NFYC: variants seen among roughly 807,000 people sequenced by gnomAD.
The protein encoded by NFYC is CAAT box DNA-binding protein subunit C.
In NFYC, 25 loss-of-function variants were observed where a neutral mutation model predicts 53.1. That is an observed-to-expected ratio of 0.47 (90% confidence interval 0.34 to 0.66). NFYC has a LOEUF of 0.66. Ranked by LOEUF, NFYC falls within the 30% of genes least tolerant of loss-of-function variation. The probability of loss-of-function intolerance (pLI) is 0.01; values close to 1 mark genes in which losing one functional copy is unlikely to be tolerated. For missense variants in NFYC, 260 were observed against 422.7 expected, an observed-to-expected ratio of 0.62 and a Z score of 3.38; for synonymous variants, 145 against 152.6, an observed-to-expected ratio of 0.95 and a Z score of 0.37.
intron 2 of NFYC, among the ~76,000 whole-genome samples, chr1:40,739,920 T>C (rs964957850): frequency 1.3e-5 from 2 of 152,172 alleles, no homozygotes; most frequent in Non-Finnish European, 2.9e-5. Context: ...AGAGAGGACC[T>C]TGTAGTTAGG....
At chr1:40,756,216 A>G (rs1156658938) in intron 5 of NFYC, among the ~76,000 whole-genome samples, 2 of 152,238 alleles carry the variant, frequency 1.3e-5, no homozygotes. Context: ...AAAAGGTATC[A>G]GTATTTTAGC....
chr1:40,763,069 T>C, intron 7 of NFYC, 23 bp downstream of exon 7: 1 of 1,545,864 alleles, frequency 6.5e-7, no homozygotes, highest in Admixed American at 2.0e-5. Flanking sequence ...CTGAGGTCTG[T>C]CTTTACAACT....
intron 1 of NFYC, among the ~76,000 whole-genome samples, chr1:40,722,194 T>A (rs114281801): frequency 0.016 from 2,486 of 151,734 alleles, 27 homozygotes; most frequent in Non-Finnish European, 0.025. Context: ...AAATAAATAA[T>A]TAATTTAAAA....
chr1:40,742,072 TA>T (rs551686138), intron 2 of NFYC, among the ~76,000 whole-genome samples: 243 of 145,982 alleles, frequency 1.7e-3, no homozygotes, highest in African/African-American at 4.9e-3. Flanking sequence ...CCTGGCTAAT[TA>T]AAAAAAAAAA....
chr1:40,693,665 C>T (rs901887456), intron 1 of NFYC, among the ~76,000 whole-genome samples: 1 of 152,198 alleles, frequency 6.6e-6, no homozygotes, highest in Non-Finnish European at 1.5e-5. Context: ...AGTAGCTTGT[C>T]TGGTGTCACT....
chr1:40,760,242 C>T (rs1288422972), intron 6 of NFYC, among the ~76,000 whole-genome samples: 1 of 152,178 alleles, frequency 6.6e-6, no homozygotes, highest in Non-Finnish European at 1.5e-5. Context: ...CAGGCATGAG[C>T]CACCATGCCC....
intron 7 of NFYC, 125 bp from the exon 8 acceptor site, chr1:40,766,471 C>G: frequency 2.9e-6 from 2 of 682,368 alleles, no homozygotes; most frequent in Non-Finnish European, 5.0e-6. Flanking sequence ...GGACTTTTTT[C>G]AGGGCAGGCT....
At chr1:40,763,390 C>G (rs1245291235) in intron 7 of NFYC, 2 of 454,852 alleles carry the variant, frequency 4.4e-6, no homozygotes, top group Non-Finnish European at 8.8e-6. Context: ...GTCACTCAGA[C>G]TGATGAAGTG....
intron 6 of NFYC, among the ~76,000 whole-genome samples, chr1:40,760,562 T>TA (rs1254819505): frequency 1.3e-5 from 2 of 151,904 alleles, no homozygotes; most frequent in Non-Finnish European, 2.9e-5. Flanking sequence ...CTACTAAAAA[T>TA]ACAAAAATTA....
intron 1 of NFYC, among the ~76,000 whole-genome samples, chr1:40,721,898 C>T (rs538572736): frequency 2.6e-5 from 4 of 151,982 alleles, no homozygotes; most frequent in African/African-American, 4.8e-5. Flanking sequence ...AGGCCGGGCG[C>T]GGTGGCTCAT....
At chr1:40,759,683 A>G (rs1373806480) in intron 6 of NFYC, among the ~76,000 whole-genome samples, 1 of 151,978 alleles carries the variant, frequency 6.6e-6, no homozygotes. Flanking sequence ...TGGTCAGATA[A>G]TGTTTCTGAA....
chr1:40,749,673 G>A lies in NFYC; in HGVS notation c.278G>A (p.Arg93His). 1 of 1,613,990 alleles carries A rather than the reference G, an allele frequency of 6.2e-7. No individual in the cohort carries two copies. Among genetic ancestry groups the A allele is most frequent in the Non-Finnish European group, 8.5e-7 (1 of 1,179,864 alleles). Residue 93 changes from arginine (R) to histidine (H), a missense_variant, in exon 4 of 10, where the codon CGC (arginine) becomes CAC (histidine). Transcript: ENST00000447388. ...TGGATTCACACAGAAGATAACAAGC[G>A]CCGGACTCTACAGGTATTATTGCAG... ...RAWIHTEDNK[R>H]RTLQRNDIAM...
In NFYC at chr1:40,770,310, C is replaced by T; in HGVS notation, c.889-399C>T. ...GAGAGGAGGGGGTAATCCTACTGCC[C>T]CTGCCAGTGTAGATTACCAAGAGTT... is the stretch of plus-strand genomic sequence containing the variant. On this transcript the variant is annotated intron_variant, in intron 9 of 9. Coordinates refer to ENST00000447388, the MANE Select transcript of NFYC (RefSeq NM_014223.5). This position sits in a 1 kb window ranked among gnomAD's most constrained non-coding sequence, Gnocchi z 5.3. 7.7e-7 allele frequency: 1 copy of T among 1,294,152 alleles called. No homozygotes were observed. The highest frequency in any genetic ancestry group is 2.3e-5 in the Admixed American group (1 of 44,088). The allele number at this position is 1,294,152 out of a possible 1,614,324, so 80.2% of individuals were successfully genotyped here.
intron 1 of NFYC, among the ~76,000 whole-genome samples, chr1:40,734,443 A>G (rs770429359): frequency 6.6e-6 from 1 of 151,258 alleles, no homozygotes; most frequent in East Asian, 1.9e-4. Flanking sequence ...GCTCACTGCA[A>G]CCTCCACCTC....
chr1:40,694,898 T>C (rs1327306965), intron 1 of NFYC, among the ~76,000 whole-genome samples: 4 of 152,338 alleles, frequency 2.6e-5, no homozygotes, highest in African/African-American at 4.8e-5. Context: ...CATGGCATCT[T>C]ATTTAATTCT....
chr1:40,732,424 C>T (rs929422168), intron 1 of NFYC, among the ~76,000 whole-genome samples: 4 of 152,198 alleles, frequency 2.6e-5, no homozygotes, highest in African/African-American at 9.7e-5. Context: ...AGAGCAAGAG[C>T]TTGAAAGATT....
chr1:40,730,700 T>TTTTGGGCAACCCAAAAAGCCTAAGG, intron 1 of NFYC: 2 of 547,422 alleles, frequency 3.7e-6, no homozygotes, highest in Non-Finnish European at 4.7e-6. Context: ...GCCTAAGGGC[T>TTTTGGGCAACCCAAAAAGCCTAAGG]GCAAGTCGGT....
At chr1:40,756,414 A>G (rs1220588955) in intron 5 of NFYC, among the ~76,000 whole-genome samples, 1 of 152,222 alleles carries the variant, frequency 6.6e-6, no homozygotes, top group Non-Finnish European at 1.5e-5. Context: ...ATATCAACCT[A>G]AAAAGTCAGT....
intron 2 of NFYC, among the ~76,000 whole-genome samples, chr1:40,742,348 T>C (rs561471849): frequency 6.6e-6 from 1 of 152,320 alleles, no homozygotes; most frequent in African/African-American, 2.4e-5. Flanking sequence ...CTGTGTTACA[T>C]GAGTGTGCAA....
Sources: allele counts gnomAD v4.1 joint callset (sites outside exome capture counted in the v4.1 genomes callset), GRCh38; gene constraint gnomAD v4.1.1; non-coding constraint Gnocchi (gnomAD v3.1); transcripts MANE v1.5; gene names NCBI Gene and HGNC (gene_info 2026-07-23, HGNC 2026-07-21).